The following RPS6KB1 variants were observed in gnomAD, a reference collection of about 807,000 sequenced individuals.
The protein encoded by RPS6KB1 is ribosomal protein S6 kinase B1, also known as ribosomal protein S6 kinase beta-1.
Under a neutral mutation model 70.2 loss-of-function variants are expected in RPS6KB1, and 12 were observed. The observed-to-expected ratio is 0.17, with a 90% confidence interval of 0.11 to 0.28. The LOEUF is 0.28. Among genes scored for constraint, RPS6KB1 ranks in the 10% least tolerant of loss-of-function variants. The probability of loss-of-function intolerance (pLI) is 1.00; values close to 1 mark genes in which losing one functional copy is unlikely to be tolerated. For missense variants in RPS6KB1, 270 were observed against 646.6 expected, an observed-to-expected ratio of 0.42 and a Z score of 6.32; for synonymous variants, 175 against 211.2, an observed-to-expected ratio of 0.83 and a Z score of 1.49.
intron 4 of RPS6KB1, among the ~76,000 whole-genome samples, chr17:59,917,902 C>T (rs1446083005): frequency 6.6e-6 from 1 of 152,100 alleles, no homozygotes; most frequent in African/African-American, 2.4e-5. Flanking sequence ...ATCTTTTCCA[C>T]GTTTCCATTT....
At chr17:59,905,687 G>T (rs2042225263) in intron 1 of RPS6KB1, among the ~76,000 whole-genome samples, 1 of 151,902 alleles carries the variant, frequency 6.6e-6, no homozygotes, top group African/African-American at 2.4e-5. Flanking sequence ...TATATTTTTA[G>T]TAGAGACGGG....
chr17:59,899,199 C>T lies in RPS6KB1; in HGVS notation c.141+5874C>T, dbSNP rs76487772. On this transcript the variant is annotated intron_variant, in intron 1 of 14. Transcript: ENST00000225577. ...AGCCTGGGGGACAAGAGCAAGACTT[C>T]GTCTCAGAAAAAAAAAAAAAAGGAG... 2.4e-3 allele frequency among the ~76,000 whole-genome samples: 345 copies of T among 143,460 alleles called. 7 individuals are homozygous for T. Among genetic ancestry groups the T allele is most frequent in the East Asian group, 0.021 (103 of 4,894 alleles). 94.1% of individuals were successfully genotyped at this position (143,460 alleles called of 152,430 possible). A position where few individuals can be genotyped will look rare whatever the true frequency, so the allele number is the denominator to read the frequency against.
chr17:59,909,640 G>A (rs2144765517), intron 1 of RPS6KB1, among the ~76,000 whole-genome samples: 1 of 151,896 alleles, frequency 6.6e-6, no homozygotes, highest in East Asian at 2.0e-4. Context: ...ACTTTGAGAA[G>A]CCGAGGAGGG....
In RPS6KB1 at chr17:59,949,765, A is replaced by G. The variant is rs2045115112; in HGVS notation, c.*2977A>G. On this transcript the variant is annotated 3_prime_UTR_variant, in exon 15 of 15. Coordinates refer to ENST00000225577, the MANE Select transcript of RPS6KB1 (RefSeq NM_003161.4). ...ATTTGTGGGCAGGGGTGGAGGATGC[A>G]TGTATGATACTCCATAAATTCAACA... 1 of 152,450 alleles carries G rather than the reference A, an allele frequency of 6.6e-6. No individual in the cohort carries two copies. Among genetic ancestry groups the G allele is most frequent in the African/African-American group, 2.4e-5 (1 of 41,426 alleles). The allele number at this position is 152,450 out of a possible 1,614,324, so 9.4% of individuals were successfully genotyped here. A position where few individuals can be genotyped will look rare whatever the true frequency, so the allele number is the denominator to read the frequency against.
chr17:59,945,393 T>TA lies in RPS6KB1; in HGVS notation c.1228-12dup, dbSNP rs2044864769. 6.9e-7 allele frequency: 1 copy of TA among 1,449,966 alleles called. No individual in the cohort carries two copies. The highest frequency in any genetic ancestry group is 9.7e-7 in the Non-Finnish European group (1 of 1,032,546). The allele number at this position is 1,449,966 out of a possible 1,614,324, so 89.8% of individuals were successfully genotyped here. ...AAAATGCCATTCTGTAGTCCACTGT[T>TA]ACTGTCTTTCAGGGTTTTACATATG... On this transcript the variant is annotated splice_polypyrimidine_tract_variant and intron_variant, in intron 13 of 14. Coordinates refer to ENST00000225577, the MANE Select transcript of RPS6KB1 (RefSeq NM_003161.4).
At chr17:59,927,304 G>A (rs1184245326) in intron 5 of RPS6KB1, among the ~76,000 whole-genome samples, 2 of 151,734 alleles carry the variant, frequency 1.3e-5, no homozygotes, top group African/African-American at 4.8e-5. Flanking sequence ...GGCTGGTCTC[G>A]AACTCCCGAC....
At chr17:59,906,954 A>G (rs1294411227) in intron 1 of RPS6KB1, 1 of 151,298 alleles carries the variant, frequency 6.6e-6, no homozygotes, top group Non-Finnish European at 1.5e-5. Flanking sequence ...TTGGCCTCCA[A>G]AGTGCTGGGA....
chr17:59,941,469 G>A (rs2044578978), intron 13 of RPS6KB1, among the ~76,000 whole-genome samples: 2 of 151,940 alleles, frequency 1.3e-5, no homozygotes, highest in South Asian at 4.1e-4. Context: ...TACCACAGGT[G>A]TGTGCCACAT....
At chr17:59,907,658 C>T (rs2042352164) in intron 1 of RPS6KB1, among the ~76,000 whole-genome samples, 2 of 152,036 alleles carry the variant, frequency 1.3e-5, no homozygotes, top group African/African-American at 2.4e-5. Context: ...GCCACCTCAG[C>T]CTCCTAAGTA....
At position 59,926,317 on chromosome 17, in the gene RPS6KB1, A is replaced by G. The variant is rs899109311; in HGVS notation, c.382-118A>G. 3 of 749,186 alleles carry G rather than the reference A, an allele frequency of 4.0e-6. No individual in the cohort carries two copies. In the African/African-American group the frequency reaches 5.4e-5, roughly 13 times the overall value. The allele number at this position is 749,186 out of a possible 1,614,324, so 46.4% of individuals were successfully genotyped here. Reference sequence around the variant, plus strand: ...TACCCCATCTCAGTTTCTAGTGGGAACTATGGTTAATAGTTCAATATTGGC... The same window carrying G: ...TACCCCATCTCAGTTTCTAGTGGGAGCTATGGTTAATAGTTCAATATTGGC... On this transcript the variant is annotated intron_variant, in intron 4 of 14. Transcript: ENST00000225577.
In RPS6KB1 at chr17:59,922,413, A is replaced by G. The variant is rs548692010; in HGVS notation, c.382-4022A>G. 5.3e-5 allele frequency among the ~76,000 whole-genome samples: 8 copies of G among 152,144 alleles called. No homozygotes were observed. In the South Asian group the frequency reaches 1.7e-3, roughly 32 times the overall value. ...GGTGTGAATATTCTGTCCTATAATA[A>G]TCTTTACTTAATGGTTTTATCTGGA... On this transcript the variant is annotated intron_variant, in intron 4 of 14. Coordinates refer to ENST00000225577, the MANE Select transcript of RPS6KB1 (RefSeq NM_003161.4).
chr17:59,910,147 G>A (rs997942754), intron 1 of RPS6KB1, among the ~76,000 whole-genome samples: 1 of 149,898 alleles, frequency 6.7e-6, no homozygotes, highest in East Asian at 2.0e-4. Context: ...AGATGGCACC[G>A]CTGCACTCCA....
At chr17:59,914,350 C>T (rs1051104418) in intron 3 of RPS6KB1, among the ~76,000 whole-genome samples, 2 of 152,008 alleles carry the variant, frequency 1.3e-5, no homozygotes, top group African/African-American at 2.4e-5. Flanking sequence ...GGTATTATGC[C>T]TCTGGGAACA....
rs200620649 is a variant in RPS6KB1, at chr17:59,946,863, C to T, written c.*75C>T. 8.8e-6 allele frequency: 14 copies of T among 1,593,292 alleles called. No homozygotes were observed. In the Middle Eastern group the frequency reaches 6.7e-4, roughly 76 times the overall value. ...TGTGTGAGCATCCTGCAAGGTGAAA[C>T]GACTCAAAATGACAGTTTCAGAGAG... On this transcript the variant is annotated 3_prime_UTR_variant, in exon 15 of 15. Coordinates refer to ENST00000225577, the MANE Select transcript of RPS6KB1 (RefSeq NM_003161.4). The surrounding 1 kb of genome is among the most constrained non-coding windows in gnomAD (Gnocchi z 4.2).
At chr17:59,913,334 A>G (rs945761954) in intron 3 of RPS6KB1, among the ~76,000 whole-genome samples, 1 of 152,210 alleles carries the variant, frequency 6.6e-6, no homozygotes, top group African/African-American at 2.4e-5. Context: ...CTTTTTACCA[A>G]ACTATTCTCT....
intron 3 of RPS6KB1, among the ~76,000 whole-genome samples, chr17:59,913,309 G>T (rs911521655): frequency 1.3e-5 from 2 of 152,188 alleles, no homozygotes; most frequent in African/African-American, 4.8e-5. Context: ...ACTTTTATGA[G>T]TTCTGCCCAC....
rs2044919276 is a variant in RPS6KB1, at chr17:59,946,281, G to C, written c.1341-270G>C. On this transcript the variant is annotated intron_variant, in intron 14 of 14. Transcript: ENST00000225577. This position sits in a 1 kb window ranked among gnomAD's most constrained non-coding sequence, Gnocchi z 4.2. The stretch of plus-strand genomic sequence containing the variant: ...TGTTTTGAGCAGGGGAGAGTAAAAT[G>C]ATATATATAATACGCATTTAAATGT... Among the ~76,000 whole-genome samples the C allele has an allele frequency of 6.6e-6, 1 of 152,086 alleles. No individual in the cohort carries two copies.
chr17:59,932,639 C>G (rs553034603), intron 7 of RPS6KB1, among the ~76,000 whole-genome samples: 1 of 151,426 alleles, frequency 6.6e-6, no homozygotes, highest in South Asian at 2.1e-4. Flanking sequence ...GCAACCTCCG[C>G]CTCCCAGGCT....
At chr17:59,910,637 T>C in intron 2 of RPS6KB1, 26 bp downstream of exon 2, 2 of 1,456,518 alleles carry the variant, frequency 1.4e-6, no homozygotes, top group South Asian at 1.2e-5. Flanking sequence ...GAGATTTTCA[T>C]TGTGTTGTCT....
Sources: allele counts gnomAD v4.1 joint callset (sites outside exome capture counted in the v4.1 genomes callset), GRCh38; gene constraint gnomAD v4.1.1; non-coding constraint Gnocchi (gnomAD v3.1); transcripts MANE v1.5; gene names NCBI Gene and HGNC (gene_info 2026-07-23, HGNC 2026-07-21).